Variants in UVRAG observed in about 807,000 individuals in gnomAD.
The protein encoded by UVRAG is UV radiation resistance associated.
Under a neutral mutation model 78.0 loss-of-function variants are expected in UVRAG, and 19 were observed. That is an observed-to-expected ratio of 0.24 (90% CI 0.17 to 0.36). The LOEUF (loss-of-function observed/expected upper bound fraction) is 0.36, where lower values mean the gene tolerates loss of function less well. UVRAG is among the 10% of genes least tolerant of loss of function. UVRAG has a pLI of 1.00. For missense variants in UVRAG, 740 were observed against 853.8 expected (o/e 0.87, Z 1.66); for synonymous variants, 323 against 324.6 (o/e 1.00, Z 0.05).
chr11:76,126,939 G>A (rs990981144), intron 14 of UVRAG, among the ~76,000 whole-genome samples: 1 of 152,062 alleles, frequency 6.6e-6, no homozygotes, highest in Non-Finnish European at 1.5e-5. Context: ...CAACACACAC[G>A]TACACTGCCT....
chr11:76,083,182 T>G (rs1448963067), intron 13 of UVRAG, among the ~76,000 whole-genome samples: 2 of 152,234 alleles, frequency 1.3e-5, no homozygotes, highest in African/African-American at 4.8e-5. Context: ...ATTCCTAGTC[T>G]TCACAATAAC....
chr11:75,954,054 C>A (rs1444771212), intron 6 of UVRAG, among the ~76,000 whole-genome samples: 1 of 152,126 alleles, frequency 6.6e-6, no homozygotes, highest in Non-Finnish European at 1.5e-5. Flanking sequence ...CTCTTTATCC[C>A]CAGGGGAATC....
chr11:76,010,208 C>T (rs969567660), intron 11 of UVRAG, among the ~76,000 whole-genome samples: 24 of 152,226 alleles, frequency 1.6e-4, no homozygotes, highest in African/African-American at 5.5e-4. Flanking sequence ...ACTTTTGTCC[C>T]GTACCAGTTT....
chr11:75,909,953 T>G (rs1565374965), intron 5 of UVRAG, among the ~76,000 whole-genome samples: 1 of 152,210 alleles, frequency 6.6e-6, no homozygotes, highest in Non-Finnish European at 1.5e-5. Context: ...TGAAGGAGTT[T>G]GTGTAAAGTG....
At chr11:76,002,571 T>C (rs922458402) in intron 8 of UVRAG, among the ~76,000 whole-genome samples, 8 of 152,290 alleles carry the variant, frequency 5.3e-5, no homozygotes, top group Admixed American at 3.3e-4. Flanking sequence ...TCTCTAGTGG[T>C]AGAAGAATTC....
chr11:75,874,175 C>T (rs531551440), intron 3 of UVRAG, among the ~76,000 whole-genome samples: 1 of 152,064 alleles, frequency 6.6e-6, no homozygotes, highest in Non-Finnish European at 1.5e-5. Context: ...TCCTTTTCTG[C>T]CTCTGGCTGT....
intron 5 of UVRAG, chr11:75,892,412 C>T (rs768556948): frequency 5.8e-5 from 57 of 983,976 alleles, no homozygotes; most frequent in East Asian, 5.7e-4. Flanking sequence ...TTCCCTCTAA[C>T]GGGAATAATA....
Position 75,876,992 on chromosome 11 carries a change from G to T in UVRAG, c.271-2887G>T, listed in dbSNP as rs559360921. ...CTGGTTTTCCTAGGCAGAGGACCCT[G>T]CGGCCTTCCGCAGTGTTTGTGTCCC... On this transcript the variant is annotated intron_variant, in intron 3 of 14. Transcript: ENST00000356136. Among the ~76,000 whole-genome samples the T allele has an allele frequency of 3.5e-3, 531 of 151,438 alleles. 1 individual carries two copies. Among genetic ancestry groups the T allele is most frequent in the African/African-American group, 0.012 (479 of 40,986 alleles).
At chr11:75,976,502 T>A (rs898980335) in intron 7 of UVRAG, among the ~76,000 whole-genome samples, 1 of 152,144 alleles carries the variant, frequency 6.6e-6, no homozygotes, top group Non-Finnish European at 1.5e-5. Flanking sequence ...GGTCCTGGAC[T>A]TTTTTTGGTT....
At chr11:75,822,708 C>T (rs979528826) in intron 1 of UVRAG, among the ~76,000 whole-genome samples, 3 of 150,498 alleles carry the variant, frequency 2.0e-5, no homozygotes, top group African/African-American at 7.4e-5. Context: ...AGGATACAGA[C>T]GAGCAGCCAG....
At chr11:76,111,958 GA>G (rs567913093) in intron 13 of UVRAG, among the ~76,000 whole-genome samples, 182 of 141,324 alleles carry the variant, frequency 1.3e-3, no homozygotes, top group African/African-American at 3.9e-3. Flanking sequence ...AGGGTAAAGT[GA>G]AAAAAAAAAA....
intron 6 of UVRAG, among the ~76,000 whole-genome samples, chr11:75,919,415 A>G (rs1249396621): frequency 6.6e-6 from 1 of 152,188 alleles, no homozygotes; most frequent in Non-Finnish European, 1.5e-5. Context: ...TAGGGGAGGA[A>G]TTAAGAGGAT....
intron 13 of UVRAG, among the ~76,000 whole-genome samples, chr11:76,091,954 G>T (rs1951706465): frequency 6.6e-6 from 1 of 151,748 alleles, no homozygotes; most frequent in African/African-American, 2.4e-5. Context: ...CATTTACATT[G>T]GGTATATCTC....
chr11:76,072,662 G>T (rs967288721), intron 13 of UVRAG, among the ~76,000 whole-genome samples: 1 of 152,180 alleles, frequency 6.6e-6, no homozygotes, highest in Non-Finnish European at 1.5e-5. Flanking sequence ...TTTTTAATGT[G>T]AAGATGAATT....
intron 13 of UVRAG, among the ~76,000 whole-genome samples, chr11:76,103,810 A>G (rs1717625): frequency 3.0e-4 from 46 of 152,306 alleles, no homozygotes; most frequent in African/African-American, 1.0e-3. Context: ...TCTGAGACAC[A>G]AAGAATGATT....
In UVRAG at chr11:75,845,271, T is replaced by A. The variant is rs116637571; in HGVS notation, c.118-6612T>A. On this transcript the variant is annotated intron_variant, in intron 1 of 14. Coordinates refer to ENST00000356136, the MANE Select transcript of UVRAG (RefSeq NM_003369.4). ...CCTATTCAGCTCTGGGGATGGATAT[T>A]ACTAGAGCACAACTCAGCCACCTGA... Among the ~76,000 whole-genome samples the A allele has an allele frequency of 4.5e-3, 679 of 152,354 alleles. 4 individuals are homozygous for A. The highest frequency in any genetic ancestry group is 0.015 in the African/African-American group (635 of 41,576).
intron 11 of UVRAG, among the ~76,000 whole-genome samples, chr11:76,009,828 C>T (rs1950018835): frequency 6.6e-6 from 1 of 152,096 alleles, no homozygotes; most frequent in African/African-American, 2.4e-5. Flanking sequence ...GTAATGTAAC[C>T]TTTGAGTTGA....
At chr11:76,100,941 A>G (rs1591238313) in intron 13 of UVRAG, among the ~76,000 whole-genome samples, 1 of 152,094 alleles carries the variant, frequency 6.6e-6, no homozygotes, top group African/African-American at 2.4e-5. Flanking sequence ...ACATGATCTC[A>G]TTATTTTTTA....
chr11:75,852,781 A>T (rs1946184385), intron 2 of UVRAG, among the ~76,000 whole-genome samples: 2 of 152,260 alleles, frequency 1.3e-5, no homozygotes, highest in Non-Finnish European at 2.9e-5. Flanking sequence ...TATGAGGATC[A>T]TAAAAATCTC....
Sources: allele counts gnomAD v4.1 joint callset (sites outside exome capture counted in the v4.1 genomes callset), GRCh38; gene constraint gnomAD v4.1.1; transcripts MANE v1.5; gene names NCBI Gene and HGNC (gene_info 2026-07-23, HGNC 2026-07-21).